The following AP3B1 variants were observed in gnomAD, a reference collection of about 807,000 sequenced individuals.
AP3B1 encodes AP-3 complex subunit beta-1.
AP3B1 carries 61 observed loss-of-function variants against 132.5 expected under a neutral mutation model. That is an observed-to-expected ratio of 0.46 (90% confidence interval 0.37 to 0.57). The LOEUF (loss-of-function observed/expected upper bound fraction) is 0.57, where lower values mean the gene tolerates loss of function less well. Ranked by LOEUF, AP3B1 falls within the 20% of genes least tolerant of loss-of-function variation. The pLI is 0.00. For missense variants in AP3B1, 1,120 were observed against 1,289.4 expected, an observed-to-expected ratio of 0.87 and a Z score of 2.01; for synonymous variants, 388 against 438.3, an observed-to-expected ratio of 0.89 and a Z score of 1.43.
intron 7 of AP3B1, among the ~76,000 whole-genome samples, chr5:78,203,198 G>A (rs1169408818): frequency 6.6e-6 from 1 of 152,128 alleles, no homozygotes; most frequent in Non-Finnish European, 1.5e-5. Context: ...TTTATGTGCT[G>A]TATTAGTCCA....
chr5:78,191,354 C>CAAAAAAAAAAAAAAAAA (rs34733864), intron 7 of AP3B1, among the ~76,000 whole-genome samples: 6 of 72,842 alleles, frequency 8.2e-5, no homozygotes, highest in African/African-American at 3.3e-4. Context: ...TGCTTTTCCC[C>CAAAAAAAAAAAAAAAAA]AAAAAAAAAA....
intron 2 of AP3B1, among the ~76,000 whole-genome samples, chr5:78,258,641 A>G (rs977640431): frequency 2.6e-5 from 4 of 152,232 alleles, no homozygotes; most frequent in Admixed American, 1.3e-4. Context: ...AGGTTCCTCA[A>G]AAAGAAACTA....
chr5:78,052,736 A>T (rs570119175), intron 22 of AP3B1, among the ~76,000 whole-genome samples: 1 of 152,364 alleles, frequency 6.6e-6, no homozygotes, highest in East Asian at 1.9e-4. Flanking sequence ...CCCCAAAGAC[A>T]GATCAATAAA....
intron 23 of AP3B1, among the ~76,000 whole-genome samples, chr5:78,036,812 A>G (rs2112095912): frequency 6.6e-6 from 1 of 152,292 alleles, no homozygotes; most frequent in African/African-American, 2.4e-5. Context: ...TACCTCCCTT[A>G]TTTTACTAAA....
chr5:78,065,199 G>A (rs1749233939), intron 22 of AP3B1, among the ~76,000 whole-genome samples: 1 of 152,202 alleles, frequency 6.6e-6, no homozygotes, highest in African/African-American at 2.4e-5. Context: ...ACGCAGATCA[G>A]AAGATCCCCT....
At chr5:78,145,149 A>G (rs1355319283) in intron 14 of AP3B1, among the ~76,000 whole-genome samples, 2 of 152,376 alleles carry the variant, frequency 1.3e-5, no homozygotes, top group African/African-American at 2.4e-5. Context: ...TCAAAATGTA[A>G]AATACATTTA....
intron 22 of AP3B1, among the ~76,000 whole-genome samples, chr5:78,070,400 C>T (rs1233220761): frequency 8.4e-6 from 1 of 119,194 alleles, no homozygotes; most frequent in African/African-American, 3.5e-5. Flanking sequence ...GAGTAAGACT[C>T]CATCTCAAGA....
chr5:78,099,197 G>GC (rs1353807257), intron 21 of AP3B1, among the ~76,000 whole-genome samples: 1 of 152,194 alleles, frequency 6.6e-6, no homozygotes, highest in Non-Finnish European at 1.5e-5. Flanking sequence ...GGACTTCCCA[G>GC]CCTCCAGAAC....
chr5:78,208,905 T>G (rs899575706), intron 7 of AP3B1, among the ~76,000 whole-genome samples: 1 of 140,608 alleles, frequency 7.1e-6, no homozygotes, highest in South Asian at 2.3e-4. Context: ...CATAGGAAAA[T>G]GAACACCTAT....
intron 1 of AP3B1, among the ~76,000 whole-genome samples, chr5:78,276,880 AAAGAAG>A (rs35131049): frequency 0.22 from 32,939 of 150,198 alleles, 4,157 homozygotes; most frequent in Middle Eastern, 0.3. Context: ...AAAAAAAAAA[AAAGAAG>A]AAGAAGCAAA....
chr5:78,224,598 C>T (rs1192047671), intron 6 of AP3B1, among the ~76,000 whole-genome samples: 2 of 151,990 alleles, frequency 1.3e-5, no homozygotes, highest in Admixed American at 1.3e-4. Context: ...CAACTATATG[C>T]TGTCTATGGA....
At chr5:78,174,961 G>A (rs114970888) in intron 11 of AP3B1, among the ~76,000 whole-genome samples, 4,643 of 152,308 alleles carry the variant, frequency 0.03, 242 homozygotes, top group African/African-American at 0.1. Context: ...CTGCTGCCTC[G>A]CAATTCAATC....
At chr5:78,205,549 T>C (rs9293730) in intron 7 of AP3B1, among the ~76,000 whole-genome samples, 56,040 of 151,784 alleles carry the variant, frequency 0.37, 10,681 homozygotes, top group African/African-American at 0.46. Flanking sequence ...GAAGCAATTA[T>C]TTGTAATAGG....
intron 21 of AP3B1, among the ~76,000 whole-genome samples, chr5:78,096,102 A>G (rs1580339602): frequency 6.6e-6 from 1 of 151,558 alleles, no homozygotes; most frequent in African/African-American, 2.4e-5. Context: ...GCTCACTGCA[A>G]CCTCCCTGCC....
Position 78,129,238 on chromosome 5 carries a change from T to C in AP3B1, c.1720A>G (p.Thr574Ala), listed in dbSNP as rs141789572. 2.7e-4 allele frequency: 428 copies of C among 1,613,460 alleles called. No homozygotes were observed. The highest frequency in any genetic ancestry group is 6.6e-4 in the Middle Eastern group (4 of 6,054). ...YDQNYDIRDR[T>A]RFIRQLIVPN... ...ACAATAAGCTGCCTAATAAATCTTG[T>C]ACGGTCTCTGATGTCGTAGTTTTGA... The change falls in exon 16 of 27, where the codon ACA (threonine) becomes GCA (alanine). Residue 574 changes from threonine (T) to alanine (A), a missense_variant. By Grantham distance (58) the Thr-to-Ala change is moderately conservative (BLOSUM62 0). Coordinates refer to ENST00000255194, the MANE Select transcript of AP3B1 (RefSeq NM_003664.5).
At chr5:78,221,427 A>C (rs1207186711) in intron 6 of AP3B1, among the ~76,000 whole-genome samples, 2 of 152,178 alleles carry the variant, frequency 1.3e-5, no homozygotes, top group Non-Finnish European at 2.9e-5. Flanking sequence ...GAAGCATTTG[A>C]AGATAGGAAA....
intron 19 of AP3B1, 140 bp from the exon 20 acceptor site, chr5:78,110,494 CATTCAA>C: frequency 1.6e-6 from 1 of 610,362 alleles, no homozygotes; most frequent in East Asian, 2.9e-5. Context: ...AATTAGAACC[CATTCAA>C]ATTCAATTCT....
chr5:78,193,740 T>A (rs866871009), intron 7 of AP3B1, among the ~76,000 whole-genome samples: 1,088 of 40,404 alleles, frequency 0.027, 17 homozygotes, highest in Admixed American at 0.054. Flanking sequence ...TTGTATATAT[T>A]TTTTTATATA....
intron 15 of AP3B1, among the ~76,000 whole-genome samples, chr5:78,138,663 C>A (rs999808887): frequency 4.0e-5 from 6 of 151,742 alleles, no homozygotes; most frequent in Admixed American, 3.9e-4. Context: ...GGTGGTGAGG[C>A]CTATTGTAGT....
Sources: allele counts gnomAD v4.1 joint callset (sites outside exome capture counted in the v4.1 genomes callset), GRCh38; gene constraint gnomAD v4.1.1; transcripts MANE v1.5; gene names NCBI Gene and HGNC (gene_info 2026-07-23, HGNC 2026-07-21).